VWA8: variants seen among roughly 807,000 people sequenced by gnomAD.
VWA8 encodes the protein von Willebrand factor A domain containing 8.
A neutral mutation model predicts 241.5 loss-of-function variants in VWA8; 221 were observed. The ratio of observed to expected loss-of-function variants is 0.91; its 90% confidence interval spans 0.82 to 1.02. VWA8 has a LOEUF of 1.02. Ranked by LOEUF, VWA8 falls within the 50% of genes least tolerant of loss-of-function variation. The probability of loss-of-function intolerance (pLI) is 0.00; values close to 1 mark genes in which losing one functional copy is unlikely to be tolerated. For synonymous variants in VWA8, 852 were observed against 827.1 expected (o/e 1.03, Z -0.52); for missense variants, 2,322 against 2,328.7 (o/e 1.00, Z 0.06).
chr13:41,599,467 A>G (rs188118039), intron 40 of VWA8, among the ~76,000 whole-genome samples: 63 of 152,262 alleles, frequency 4.1e-4, no homozygotes, highest in Middle Eastern at 6.8e-3. Flanking sequence ...AGCATCTTCT[A>G]TATCTTAAAT....
chr13:41,882,177 C>T (rs1019667288), intron 9 of VWA8, among the ~76,000 whole-genome samples: 11 of 149,560 alleles, frequency 7.4e-5, no homozygotes, highest in Non-Finnish European at 1.3e-4. Flanking sequence ...GGCGGCAGGG[C>T]AGAGGCTCTC....
chr13:41,923,830 A>G lies in VWA8; in HGVS notation c.242-11662T>C, dbSNP rs1454310611. 3.3e-5 allele frequency among the ~76,000 whole-genome samples: 5 copies of G among 151,732 alleles called. No homozygotes were observed. The East Asian group carries it at 9.7e-4, about 30-fold the overall frequency. The stretch of plus-strand genomic sequence containing the variant: ...AACTAAAGAAGCTGTAGCTACACAG[A>G]GACTACACCACTGCTCCAACGTGCC... On this transcript the variant is annotated intron_variant, in intron 2 of 44. Transcript: ENST00000379310.
In VWA8 at chr13:41,587,682, A is replaced by C; in HGVS notation, c.5113-12T>G. The C allele has an allele frequency of 1.2e-6, 2 of 1,613,394 alleles. No individual in the cohort carries two copies. The highest frequency in any genetic ancestry group is 2.2e-5 in the South Asian group (2 of 91,012). On this transcript the variant is annotated splice_polypyrimidine_tract_variant and intron_variant, in intron 41 of 44. Coordinates refer to ENST00000379310, the MANE Select transcript of VWA8 (RefSeq NM_015058.2). ...TGTGGGCTGCCAAGCTGAGGGAAGG[A>C]ATAACAGAAAAGCCGTTTGTGAACT...
intron 21 of VWA8, among the ~76,000 whole-genome samples, chr13:41,740,907 T>G (rs1318203858): frequency 6.6e-6 from 1 of 152,110 alleles, no homozygotes; most frequent in Non-Finnish European, 1.5e-5. Context: ...TGGGTCAAAT[T>G]AGAAAAAAAC....
At chr13:41,926,312 G>A (rs1876831016) in intron 2 of VWA8, 1 of 601,146 alleles carries the variant, frequency 1.7e-6, no homozygotes, top group African/African-American at 1.9e-5. Context: ...ATGATTTTGT[G>A]AGGCAGAAAT....
At chr13:41,936,308 G>A (rs1357290625) in intron 2 of VWA8, among the ~76,000 whole-genome samples, 3 of 152,154 alleles carry the variant, frequency 2.0e-5, no homozygotes, top group East Asian at 3.9e-4. Flanking sequence ...ACGTTCACAT[G>A]TTTATTGTTC....
intron 2 of VWA8, among the ~76,000 whole-genome samples, chr13:41,929,786 T>C (rs916259041): frequency 3.3e-5 from 5 of 152,158 alleles, no homozygotes; most frequent in African/African-American, 1.2e-4. Context: ...AAATATAAAA[T>C]TCCTAGGAAA....
rs1175043504 is a variant in VWA8 at position 41,830,453 on chromosome 13, G to A, written c.1700+76C>T. On this transcript the variant is annotated intron_variant, in intron 14 of 44. Transcript: ENST00000379310. ...CAAAGTTATCTTGGCATTATTCTAG[G>A]TTTAGAAAAATCATAAAAAGTATTA... is the stretch of plus-strand genomic sequence containing the variant. 3.3e-6 allele frequency: 4 copies of A among 1,223,908 alleles called. No homozygotes were observed. In the East Asian group the frequency reaches 7.6e-5, roughly 23 times the overall value. 75.8% of individuals were successfully genotyped at this position (1,223,908 alleles called of 1,614,324 possible).
At chr13:41,912,351 A>G (rs1425995374) in intron 2 of VWA8, among the ~76,000 whole-genome samples, 183 bp from the exon 3 acceptor site, 1 of 152,006 alleles carries the variant, frequency 6.6e-6, no homozygotes, top group African/African-American at 2.4e-5. Context: ...CTGGACAAAC[A>G]TGTAGACACC....
chr13:41,691,336 C>G lies in VWA8; in HGVS notation c.3850G>C (p.Glu1284Gln). 3 of 1,612,286 alleles carry G rather than the reference C, an allele frequency of 1.9e-6. No individual in the cohort carries two copies. The highest frequency in any genetic ancestry group is 2.5e-6 in the Non-Finnish European group (3 of 1,178,784). The change falls in exon 32 of 45, where the codon GAG (glutamate) becomes CAG (glutamine). Residue 1284 changes from glutamate (E) to glutamine (Q), a missense_variant. Transcript: ENST00000379310. Reference protein sequence around the residue: ...LVAEDKWLLVESKTNQKYLLT... With the variant: ...LVAEDKWLLVQSKTNQKYLLT... ...GCCACTCACTGATTTGTTTTGCTCT[C>G]CACCAGAAGCCATTTGTCCTCTGCT... is the stretch of plus-strand genomic sequence containing the variant.
intron 37 of VWA8, among the ~76,000 whole-genome samples, chr13:41,654,054 C>T (rs8001342): frequency 0.036 from 5,480 of 152,128 alleles, 116 homozygotes; most frequent in South Asian, 0.078. Context: ...AAAATTGACT[C>T]ATAAAAACAA....
chr13:41,863,707 T>A lies in VWA8; in HGVS notation c.1425+2029A>T, dbSNP rs549974456. Among the ~76,000 whole-genome samples, 64 of 152,058 alleles carry A rather than the reference T, an allele frequency of 4.2e-4. 1 individual carries two copies. In the South Asian group the frequency reaches 0.012, roughly 28 times the overall value. On this transcript the variant is annotated intron_variant, in intron 12 of 44. Transcript: ENST00000379310. ...TGTAGCTAGAGGACATTATCCTATG[T>A]GAACTAACAGGAACAAAAAGTCAAA...
At chr13:41,921,667 G>A (rs976408206) in intron 2 of VWA8, among the ~76,000 whole-genome samples, 1 of 152,122 alleles carries the variant, frequency 6.6e-6, no homozygotes, top group Non-Finnish European at 1.5e-5. Context: ...CAAATCATGA[G>A]TGAACTCCCA....
intron 4 of VWA8, among the ~76,000 whole-genome samples, chr13:41,892,049 T>C (rs894562302): frequency 2.0e-5 from 3 of 152,168 alleles, no homozygotes; most frequent in Non-Finnish European, 4.4e-5. Context: ...ACATAAGTCA[T>C]CATCCAAATA....
chr13:41,808,468 G>C (rs1870322138), intron 17 of VWA8, among the ~76,000 whole-genome samples: 1 of 152,204 alleles, frequency 6.6e-6, no homozygotes, highest in Non-Finnish European at 1.5e-5. Flanking sequence ...GAGAGAGGCA[G>C]GGAGGTACCA....
intron 13 of VWA8, among the ~76,000 whole-genome samples, chr13:41,831,828 G>A (rs1402731470): frequency 6.6e-6 from 1 of 151,516 alleles, no homozygotes; most frequent in South Asian, 2.1e-4. Flanking sequence ...CCATGTTGAC[G>A]AGGCTGGTCT....
At chr13:41,877,611 T>A (rs1873959729) in intron 9 of VWA8, among the ~76,000 whole-genome samples, 1 of 152,072 alleles carries the variant, frequency 6.6e-6, no homozygotes, top group Admixed American at 6.6e-5. Flanking sequence ...GATCCAAGTT[T>A]CTTAGAAAAA....
chr13:41,874,036 A>G, intron 9 of VWA8, among the ~76,000 whole-genome samples: 1 of 152,144 alleles, frequency 6.6e-6, no homozygotes, highest in Non-Finnish European at 1.5e-5. Flanking sequence ...CAATATATGC[A>G]AATCAATAAA....
chr13:41,908,681 G>A (rs1875843667), intron 3 of VWA8, among the ~76,000 whole-genome samples: 1 of 152,180 alleles, frequency 6.6e-6, no homozygotes, highest in South Asian at 2.1e-4. Context: ...AGGAAACGAT[G>A]CAGAATTCAC....
Sources: allele counts gnomAD v4.1 joint callset (sites outside exome capture counted in the v4.1 genomes callset), GRCh38; gene constraint gnomAD v4.1.1; transcripts MANE v1.5; gene names NCBI Gene and HGNC (gene_info 2026-07-23, HGNC 2026-07-21).